GCM1: variants seen among roughly 807,000 people sequenced by gnomAD.
The protein encoded by GCM1 is GCM transcription factor 1.
GCM1 carries 2 observed loss-of-function variants against 25.7 expected under a neutral mutation model. The ratio of observed to expected loss-of-function variants is 0.08; its 90% CI spans 0.03 to 0.24. GCM1 has a LOEUF of 0.24. Ranked by LOEUF, GCM1 falls within the 10% of genes least tolerant of loss-of-function variation. The probability of loss-of-function intolerance (pLI) is 1.00; values close to 1 mark genes in which losing one functional copy is unlikely to be tolerated. For missense variants in GCM1, 395 were observed against 538.7 expected (o/e 0.73, Z 2.64); for synonymous variants, 183 against 195.7 (o/e 0.94, Z 0.54).
Position 53,130,816 on chromosome 6 carries a change from C to T in GCM1, c.557G>A (p.Ser186Asn), listed in dbSNP as rs373501334. ...ATGAAGGATTACCCTGGTCTCTGTGCTCCCCTTCAGGCTCAATGAGACGGA... is the reference window on the plus strand; with the variant it reads ...ATGAAGGATTACCCTGGTCTCTGTGTTCCCCTTCAGGCTCAATGAGACGGA... Reference protein sequence around the residue: ...PSSVSLSLKGSTETRSLPGET... With the variant: ...PSSVSLSLKGNTETRSLPGET... The change falls in exon 5 of 6, where the codon AGC becomes AAC. Residue 186 changes from serine to asparagine, a missense_variant. Coordinates refer to ENST00000259803, the MANE Select transcript of GCM1 (RefSeq NM_003643.4). The T allele has an allele frequency of 6.2e-7, 1 of 1,613,732 alleles. No individual in the cohort carries two copies. Among genetic ancestry groups the T allele is most frequent in the Non-Finnish European group, 8.5e-7 (1 of 1,179,650 alleles).
chr6:53,146,542 T>A (rs527890304), intron 1 of GCM1, among the ~76,000 whole-genome samples: 8 of 152,172 alleles, frequency 5.3e-5, no homozygotes, highest in African/African-American at 1.9e-4. Flanking sequence ...TATTTGAAAA[T>A]CCAAATCACT....
intron 2 of GCM1, among the ~76,000 whole-genome samples, chr6:53,134,667 C>G (rs771868646): frequency 2.0e-5 from 3 of 152,176 alleles, no homozygotes; most frequent in Non-Finnish European, 4.4e-5. Flanking sequence ...TGCTCTTACA[C>G]AATAACTATA....
intron 5 of GCM1, 30 bp from the exon 6 acceptor site, chr6:53,128,976 A>G (rs748751354): frequency 5.7e-6 from 9 of 1,591,742 alleles, no homozygotes; most frequent in East Asian, 2.2e-5. Context: ...GCTCGTGTTA[A>G]TAAGTTAAGC....
intron 2 of GCM1, among the ~76,000 whole-genome samples, chr6:53,137,639 A>G (rs1763819044): frequency 6.6e-6 from 1 of 152,102 alleles, no homozygotes; most frequent in African/African-American, 2.4e-5. Context: ...AAAACAAAAC[A>G]AAACAAAATT....
chr6:53,128,320 C>G lies in GCM1; in HGVS notation c.1197G>C (p.Gln399His). ...TGCTCTTGCTTGGCAGTGAATATTG[C>G]TGATGAGGATGAGAGGCGTAGGTGA... ...FLFTYASHPH[Q>H]QYSLPSKSSK... Residue 399 changes from glutamine (Q) to histidine (H), a missense_variant, in exon 6 of 6, where the codon CAG becomes CAC. By Grantham distance (24) the Gln-to-His change is conservative (BLOSUM62 0). Transcript: ENST00000259803. 1.2e-6 allele frequency: 2 copies of G among 1,614,008 alleles called. No individual in the cohort carries two copies. The highest frequency in any genetic ancestry group is 2.2e-5 in the South Asian group (2 of 91,072).
rs1763673326 is a variant in GCM1, at chr6:53,128,324, T to C, written c.1193A>G (p.His398Arg). 1.2e-6 allele frequency: 2 copies of C among 1,613,876 alleles called. No homozygotes were observed. The highest frequency in any genetic ancestry group is 3.3e-5 in the Admixed American group (2 of 59,976). Reference protein sequence around the residue: ...PFLFTYASHPHQQYSLPSKSS... With the variant: ...PFLFTYASHPRQQYSLPSKSS... ...CTTGCTTGGCAGTGAATATTGCTGA[T>C]GAGGATGAGAGGCGTAGGTGAAGAG... Residue 398 changes from histidine to arginine, a missense_variant, in exon 6 of 6, where the codon CAT becomes CGT. Around this residue, in one of 5 missense-constraint regions of GCM1, gnomAD observed 291 missense variants for 314.6 expected, o/e 0.92. Coordinates refer to ENST00000259803, the MANE Select transcript of GCM1 (RefSeq NM_003643.4).
intron 2 of GCM1, among the ~76,000 whole-genome samples, chr6:53,141,648 C>T (rs993631265): frequency 2.0e-5 from 3 of 151,916 alleles, no homozygotes; most frequent in African/African-American, 7.3e-5. Flanking sequence ...GATAGTGCTA[C>T]TGCACTCCAG....
intron 5 of GCM1, 58 bp downstream of exon 5, chr6:53,130,745 C>G: frequency 6.7e-7 from 1 of 1,483,670 alleles, no homozygotes; most frequent in South Asian, 1.3e-5. Flanking sequence ...AATCTACCGC[C>G]CCCAGCACAG....
chr6:53,146,440 G>A (rs770533285), intron 1 of GCM1, among the ~76,000 whole-genome samples: 3 of 151,532 alleles, frequency 2.0e-5, no homozygotes, highest in Non-Finnish European at 2.9e-5. Context: ...GCCTGGTCTC[G>A]AACTCCTGAC....
chr6:53,145,845 A>C (rs1581857060), intron 1 of GCM1, 77 bp from the exon 2 acceptor site: 2 of 470,190 alleles, frequency 4.3e-6, no homozygotes, highest in Non-Finnish European at 3.7e-6. Flanking sequence ...TGCCAGAAAA[A>C]CCTGTTTCAC....
chr6:53,142,241 A>G (rs1459908026), intron 2 of GCM1, among the ~76,000 whole-genome samples: 1 of 152,110 alleles, frequency 6.6e-6, no homozygotes, highest in African/African-American at 2.4e-5. Flanking sequence ...GAAATTTATA[A>G]TCATAACAAG....
In GCM1 at chr6:53,145,542, T is replaced by C; in HGVS notation, c.75+16A>G. ...CAGCCCAATGTTGAAGGCAGATTTT[T>C]ATAGCAAGTACATACCTGTGGCAGT... On this transcript the variant is annotated intron_variant, in intron 2 of 5. Transcript: ENST00000259803. The C allele has an allele frequency of 7.4e-7, 1 of 1,343,588 alleles. No individual in the cohort carries two copies. The highest frequency in any genetic ancestry group is 1.2e-5 in the South Asian group (1 of 85,428). 83.2% of individuals were successfully genotyped at this position (1,343,588 alleles called of 1,614,324 possible).
chr6:53,144,626 TACACAC>T (rs10561078), intron 2 of GCM1, among the ~76,000 whole-genome samples: 18 of 145,632 alleles, frequency 1.2e-4, no homozygotes, highest in African/African-American at 4.7e-4. Context: ...GCCCTGACTC[TACACAC>T]ACACACACAC....
intron 2 of GCM1, among the ~76,000 whole-genome samples, chr6:53,144,791 T>C (rs1763929567): frequency 6.6e-6 from 1 of 151,560 alleles, no homozygotes; most frequent in African/African-American, 2.4e-5. Flanking sequence ...GGCGTGTGCC[T>C]ATGGTCCCAG....
Position 53,131,950 on chromosome 6 carries a change from C to G in GCM1, c.441+57G>C, listed in dbSNP as rs375107584. 566 of 957,370 alleles carry G rather than the reference C, an allele frequency of 5.9e-4. 1 individual carries two copies. In the African/African-American group the frequency reaches 7.9e-3, roughly 13 times the overall value. The allele number at this position is 957,370 out of a possible 1,614,324, so 59.3% of individuals were successfully genotyped here. A position where few individuals can be genotyped will look rare whatever the true frequency, so the allele number is the denominator to read the frequency against. On this transcript the variant is annotated intron_variant, in intron 4 of 5. Coordinates refer to ENST00000259803, the MANE Select transcript of GCM1 (RefSeq NM_003643.4). ...ATCTCATTCACAGGTGCATTTCTAG[C>G]CTCTGGTGAAACTCCTCAGTAATGA...
intron 2 of GCM1, among the ~76,000 whole-genome samples, chr6:53,144,508 G>A (rs1763925374): frequency 6.6e-6 from 1 of 151,998 alleles, no homozygotes; most frequent in Non-Finnish European, 1.5e-5. Context: ...CAAAATAGGA[G>A]GAGAAGAGGC....
intron 1 of GCM1, among the ~76,000 whole-genome samples, chr6:53,146,253 T>A (rs1763957054): frequency 6.9e-6 from 1 of 145,654 alleles, no homozygotes; most frequent in Non-Finnish European, 1.5e-5. Flanking sequence ...GGAGTCTCAC[T>A]TCTTCACCCA....
Position 53,130,822 on chromosome 6 carries a change from T to G in GCM1, c.551A>C (p.Lys184Thr), listed in dbSNP as rs1236071133. 1 of 1,613,826 alleles carries G rather than the reference T, an allele frequency of 6.2e-7. No homozygotes were observed. The highest frequency in any genetic ancestry group is 8.5e-7 in the Non-Finnish European group (1 of 1,179,708). The change falls in exon 5 of 6, where the codon AAG becomes ACG. Residue 184 changes from lysine (K) to threonine (T), a missense_variant. By Grantham distance (78) the Lys-to-Thr change is moderately conservative. Coordinates refer to ENST00000259803, the MANE Select transcript of GCM1 (RefSeq NM_003643.4). ...TAPSSVSLSL[K>T]GSTETRSLPG... ...GATTACCCTGGTCTCTGTGCTCCCC[T>G]TCAGGCTCAATGAGACGGAGGAAGG...
chr6:53,142,113 A>G (rs1184717832), intron 2 of GCM1, among the ~76,000 whole-genome samples: 1 of 151,192 alleles, frequency 6.6e-6, no homozygotes, highest in Non-Finnish European at 1.5e-5. Flanking sequence ...ATGTGAAAGG[A>G]TAAACAGAAA....
Sources: gnomAD v4.1 joint callset for allele counts (sites outside exome capture counted in the v4.1 genomes callset) on GRCh38, gnomAD v4.1.1 for gene constraint, gnomAD v4.1.1 regional missense constraint, MANE v1.5 for transcripts, NCBI Gene and HGNC (gene_info 2026-07-23, HGNC 2026-07-21) for gene names.